CBLB: variants seen among roughly 807,000 people sequenced by gnomAD.
CBLB encodes the protein Cbl proto-oncogene B, also known as E3 ubiquitin-protein ligase CBL-B.
Under a neutral mutation model 104.9 loss-of-function variants are expected in CBLB, and 31 were observed. The ratio of observed to expected loss-of-function variants is 0.30; its 90% CI spans 0.22 to 0.40. The LOEUF is 0.40. Among genes scored for constraint, CBLB ranks in the 10% least tolerant of loss-of-function variants. The pLI is 1.00. For missense variants in CBLB, 1,062 were observed against 1,214.6 expected (o/e 0.87, Z 1.87); for synonymous variants, 440 against 422.6 (o/e 1.04, Z -0.51).
chr3:105,819,953 C>T (rs1483138918), intron 3 of CBLB, among the ~76,000 whole-genome samples: 1 of 152,054 alleles, frequency 6.6e-6, no homozygotes, highest in Non-Finnish European at 1.5e-5. Flanking sequence ...TCAGGATGAT[C>T]CAAGTGCACT....
At chr3:105,867,921 C>T (rs896240212) in intron 1 of CBLB, among the ~76,000 whole-genome samples, 1 of 151,982 alleles carries the variant, frequency 6.6e-6, no homozygotes, top group Non-Finnish European at 1.5e-5. Flanking sequence ...CAGGTTTCCC[C>T]CACCTAGATA....
intron 16 of CBLB, 139 bp downstream of exon 16, chr3:105,681,340 G>C: frequency 1.3e-6 from 1 of 773,618 alleles, no homozygotes; most frequent in Non-Finnish European, 2.2e-6. Flanking sequence ...GGGAGTCACC[G>C]GCACCTGGAG....
intron 6 of CBLB, among the ~76,000 whole-genome samples, chr3:105,742,403 AAAG>A (rs1440215897): frequency 4.6e-5 from 7 of 152,230 alleles, no homozygotes; most frequent in Admixed American, 3.3e-4. Context: ...GAATTTAAAA[AAAG>A]AAGTGATTTT....
At chr3:105,705,250 C>A (rs749595471) in intron 10 of CBLB, among the ~76,000 whole-genome samples, 1 of 152,166 alleles carries the variant, frequency 6.6e-6, no homozygotes, top group Non-Finnish European at 1.5e-5. Context: ...GCAGCTTTAT[C>A]ATTTAGTCTG....
intron 12 of CBLB, among the ~76,000 whole-genome samples, chr3:105,696,653 A>T (rs1402045344): frequency 1.3e-5 from 2 of 151,878 alleles, no homozygotes. Flanking sequence ...TCACAATTGC[A>T]TTGGAAATGC....
chr3:105,696,029 G>GTA (rs1322277956), intron 12 of CBLB, among the ~76,000 whole-genome samples: 2 of 151,158 alleles, frequency 1.3e-5, no homozygotes, highest in African/African-American at 4.9e-5. Flanking sequence ...ATATGTGTGA[G>GTA]TATATATATG....
chr3:105,715,767 G>T (rs774138281), intron 10 of CBLB, among the ~76,000 whole-genome samples: 1 of 152,160 alleles, frequency 6.6e-6, no homozygotes, highest in Admixed American at 6.5e-5. Context: ...CACCAGGCAC[G>T]GTGGCTCATG....
At chr3:105,711,725 G>A (rs890875242) in intron 10 of CBLB, among the ~76,000 whole-genome samples, 4 of 152,038 alleles carry the variant, frequency 2.6e-5, no homozygotes, top group African/African-American at 9.7e-5. Context: ...TCTGAAGTAG[G>A]AGGAACATTT....
chr3:105,796,810 C>G (rs1344893923), intron 3 of CBLB, among the ~76,000 whole-genome samples: 1 of 152,124 alleles, frequency 6.6e-6, no homozygotes, highest in Non-Finnish European at 1.5e-5. Flanking sequence ...TACATGCAAC[C>G]AACAAGCATA....
chr3:105,829,703 C>CAAAAAAAAAAAAAAAAAAAAAAAAAAAA (rs1553844797), intron 3 of CBLB, among the ~76,000 whole-genome samples: 2 of 60,100 alleles, frequency 3.3e-5, no homozygotes, highest in Non-Finnish European at 3.6e-5. Flanking sequence ...AAAAAAAAAC[C>CAAAAAAAAAAAAAAAAAAAAAAAAAAAA]AAACTGCAGC....
intron 17 of CBLB, among the ~76,000 whole-genome samples, chr3:105,677,465 T>C (rs1443461511): frequency 6.6e-6 from 1 of 151,752 alleles, no homozygotes; most frequent in African/African-American, 2.4e-5. Context: ...CCATGAGGCA[T>C]ATACGTAGCT....
At chr3:105,724,082 A>AT (rs1460985038) in intron 9 of CBLB, 2 of 173,910 alleles carry the variant, frequency 1.2e-5, no homozygotes, top group Non-Finnish European at 2.5e-5. Flanking sequence ...AAACATAGCA[A>AT]TTATAACTGG....
intron 13 of CBLB, among the ~76,000 whole-genome samples, chr3:105,687,111 G>A (rs2067104325): frequency 1.3e-5 from 2 of 152,064 alleles, no homozygotes; most frequent in African/African-American, 4.8e-5. Context: ...CAAATGAAAT[G>A]AGAAATATAT....
chr3:105,736,283 C>A (rs553559445), intron 8 of CBLB, among the ~76,000 whole-genome samples: 49 of 152,230 alleles, frequency 3.2e-4, no homozygotes, highest in African/African-American at 1.2e-3. Flanking sequence ...AATCTTCTTA[C>A]CAGTTTGGTG....
chr3:105,665,416 A>AT (rs2064298989), intron 18 of CBLB, among the ~76,000 whole-genome samples: 4 of 98,652 alleles, frequency 4.1e-5, no homozygotes, highest in South Asian at 7.3e-4. Flanking sequence ...TAAATAAATA[A>AT]ATATATATAT....
intron 9 of CBLB, among the ~76,000 whole-genome samples, chr3:105,725,052 G>T (rs186131958): frequency 1.2e-4 from 19 of 152,152 alleles, no homozygotes; most frequent in African/African-American, 3.6e-4. Context: ...AAAATAGCCG[G>T]TTGCTACTAC....
At chr3:105,836,683 T>C (rs2153087381) in intron 3 of CBLB, among the ~76,000 whole-genome samples, 1 of 152,278 alleles carries the variant, frequency 6.6e-6, no homozygotes, top group African/African-American at 2.4e-5. Context: ...AAGCTGAGAT[T>C]ACTGACATCC....
At position 105,797,386 on chromosome 3, in the gene CBLB, T is replaced by G. The variant is rs148247347; in HGVS notation, c.420-20844A>C. Among the ~76,000 whole-genome samples the G allele has an allele frequency of 2.0e-5, 3 of 152,100 alleles. No individual in the cohort carries two copies. The East Asian group carries it at 5.8e-4, about 29-fold the overall frequency. On this transcript the variant is annotated intron_variant, in intron 3 of 18. Coordinates refer to ENST00000394030, the MANE Select transcript of CBLB (RefSeq NM_170662.5). ...GTTTAGCTCTCACTTGATGTTTAGT[T>G]CTCTCCAAGAACACATGGACACAAA...
At chr3:105,840,871 A>T (rs2089439026) in intron 3 of CBLB, among the ~76,000 whole-genome samples, 2 of 28,970 alleles carry the variant, frequency 6.9e-5, no homozygotes, top group Non-Finnish European at 2.7e-4. Context: ...GTATTACTCA[A>T]GAAAAAAAAA....
Sources: allele counts gnomAD v4.1 joint callset (sites outside exome capture counted in the v4.1 genomes callset), GRCh38; gene constraint gnomAD v4.1.1; transcripts MANE v1.5; gene names NCBI Gene and HGNC (gene_info 2026-07-23, HGNC 2026-07-21).